The following SLC35D2 variants were observed in gnomAD, a reference collection of about 807,000 sequenced individuals.
SLC35D2 encodes the protein solute carrier family 35 member D2, also known as nucleotide sugar transporter SLC35D2.
Under a neutral mutation model 41.8 loss-of-function variants are expected in SLC35D2, and 43 were observed. The observed-to-expected ratio is 1.03, with a 90% CI of 0.81 to 1.33. SLC35D2 has a LOEUF of 1.33. Ranked by LOEUF, SLC35D2 falls within the 40% of genes most tolerant of loss-of-function variation. SLC35D2 has a pLI of 0.00. For synonymous variants in SLC35D2, 150 were observed against 163.9 expected (o/e 0.92, Z 0.65); for missense variants, 380 against 408.4 (o/e 0.93, Z 0.60).
chr9:96,362,788 G>A (rs1194541545), intron 3 of SLC35D2, among the ~76,000 whole-genome samples: 2 of 151,670 alleles, frequency 1.3e-5, no homozygotes, highest in African/African-American at 2.4e-5. Flanking sequence ...GTAATATTCT[G>A]GTTTTTCTCA....
At chr9:96,317,534 A>C (rs534769697), downstream of SLC35D2, among the ~76,000 whole-genome samples, 12 of 152,296 alleles carry the variant, frequency 7.9e-5, no homozygotes, top group South Asian at 2.3e-3. Flanking sequence ...GGCTGCTCTT[A>C]GGGTGCCCTC....
intron 4 of SLC35D2, among the ~76,000 whole-genome samples, chr9:96,356,382 CTTTT>C (rs199569097): frequency 2.1e-4 from 21 of 101,434 alleles, no homozygotes; most frequent in East Asian, 6.0e-4. Context: ...TTTATTTATT[CTTTT>C]TTTTTTTTTT....
intron 1 of SLC35D2, among the ~76,000 whole-genome samples, chr9:96,375,858 A>G: frequency 6.6e-6 from 1 of 152,008 alleles, no homozygotes; most frequent in Non-Finnish European, 1.5e-5. Context: ...TCTCTACTAA[A>G]AATAAAAAAA....
intron 2 of SLC35D2, among the ~76,000 whole-genome samples, chr9:96,364,769 C>T (rs147730922): frequency 3.9e-5 from 6 of 152,078 alleles, no homozygotes; most frequent in Non-Finnish European, 7.4e-5. Flanking sequence ...AACGTAACGT[C>T]GGGCAGGGCA....
chr9:96,380,132 G>T (rs758963772), intron 1 of SLC35D2, among the ~76,000 whole-genome samples: 8 of 151,988 alleles, frequency 5.3e-5, no homozygotes, highest in Non-Finnish European at 1.0e-4. Context: ...CCTGACCTCA[G>T]GTGATCCGCC....
At chr9:96,349,665 ATAGG>A in intron 6 of SLC35D2, among the ~76,000 whole-genome samples, 1 of 152,036 alleles carries the variant, frequency 6.6e-6, no homozygotes, top group East Asian at 1.9e-4. Flanking sequence ...AGCTGGGATT[ATAGG>A]CACCTGCCAC....
At chr9:96,336,586 G>T in intron 9 of SLC35D2, 131 bp downstream of exon 9, 2 of 639,638 alleles carry the variant, frequency 3.1e-6, no homozygotes, top group South Asian at 2.2e-5. Context: ...CTCCTTTGCT[G>T]CAGGGGTACT....
chr9:96,368,546 T>C (rs1564123050), intron 1 of SLC35D2, among the ~76,000 whole-genome samples: 1 of 151,776 alleles, frequency 6.6e-6, no homozygotes, highest in East Asian at 1.9e-4. Context: ...GCTCAGAAGA[T>C]GCTCCCACCT....
intron 4 of SLC35D2, among the ~76,000 whole-genome samples, chr9:96,355,481 T>C (rs1355723143): frequency 1.3e-5 from 2 of 150,874 alleles, no homozygotes; most frequent in Non-Finnish European, 2.9e-5. Flanking sequence ...GAGTGAGATA[T>C]TGTCTCTAAG....
chr9:96,324,306 C>A, intron 9 of SLC35D2, 137 bp from the exon 10 acceptor site: 1 of 606,072 alleles, frequency 1.6e-6, no homozygotes, highest in Non-Finnish European at 2.9e-6. Flanking sequence ...GGTTTTGTAA[C>A]CCACATCTTA....
chr9:96,334,368 C>T (rs1271198921), intron 9 of SLC35D2, among the ~76,000 whole-genome samples: 1 of 152,054 alleles, frequency 6.6e-6, no homozygotes, highest in African/African-American at 2.4e-5. Flanking sequence ...CCGGGTGTGG[C>T]GGCTCATGCC....
intron 9 of SLC35D2, among the ~76,000 whole-genome samples, chr9:96,327,242 T>C (rs1828577951): frequency 6.6e-6 from 1 of 152,184 alleles, no homozygotes; most frequent in African/African-American, 2.4e-5. Context: ...TTTCTTTTCT[T>C]AAAAAAGGGT....
At chr9:96,382,482 C>T (rs1831235034) in intron 1 of SLC35D2, among the ~76,000 whole-genome samples, 1 of 144,522 alleles carries the variant, frequency 6.9e-6, no homozygotes, top group Non-Finnish European at 1.5e-5. Context: ...CACACACACA[C>T]ACACACACAC....
Position 96,321,262 on chromosome 9 carries a change from A to G in SLC35D2, c.994T>C (p.Cys332Arg). The G allele has an allele frequency of 6.2e-7, 1 of 1,613,708 alleles. No individual in the cohort carries two copies. The highest frequency in any genetic ancestry group is 8.5e-7 in the Non-Finnish European group (1 of 1,179,660). Reference protein sequence around the residue: ...KPKPVGEENICLDLKS With the variant: ...KPKPVGEENIRLDLKS Reference sequence around the variant, plus strand: ...ACTCTTTAGCTCTTCAAATCCAAACAGATGTTTTCTTCACCCACAGGTTTA... The same window carrying G: ...ACTCTTTAGCTCTTCAAATCCAAACGGATGTTTTCTTCACCCACAGGTTTA... The change falls in exon 12 of 12, where the codon TGT (cysteine) becomes CGT (arginine). Residue 332 changes from cysteine (C) to arginine (R), a missense_variant. Transcript: ENST00000253270.
At chr9:96,337,512 C>G (rs1000749953) in intron 8 of SLC35D2, among the ~76,000 whole-genome samples, 21 of 149,964 alleles carry the variant, frequency 1.4e-4, no homozygotes, top group African/African-American at 5.2e-4. Context: ...ACCACCACAC[C>G]CAGCCAAAAA....
intron 9 of SLC35D2, among the ~76,000 whole-genome samples, chr9:96,329,036 T>G (rs1430984369): frequency 1.4e-5 from 2 of 146,996 alleles, no homozygotes; most frequent in African/African-American, 5.0e-5. Context: ...TGCAGTGAGA[T>G]GAAATCGCGT....
At chr9:96,347,629 TG>T (rs1829637745) in intron 6 of SLC35D2, among the ~76,000 whole-genome samples, 1 of 152,140 alleles carries the variant, frequency 6.6e-6, no homozygotes, top group African/African-American at 2.4e-5. Context: ...TCCCGTCACC[TG>T]GGCCTCCCAA....
intron 1 of SLC35D2, among the ~76,000 whole-genome samples, chr9:96,379,833 G>A (rs945048276): frequency 6.6e-6 from 1 of 151,982 alleles, no homozygotes; most frequent in Non-Finnish European, 1.5e-5. Flanking sequence ...GCCTTCCTAT[G>A]GCAAGAACTC....
chr9:96,382,742 T>C (rs1454454640), intron 1 of SLC35D2, among the ~76,000 whole-genome samples: 1 of 152,136 alleles, frequency 6.6e-6, no homozygotes, highest in African/African-American at 2.4e-5. Context: ...TAGTAGAGTT[T>C]ACAAAGAGCC....
Sources: allele counts gnomAD v4.1 joint callset (sites outside exome capture counted in the v4.1 genomes callset), GRCh38; gene constraint gnomAD v4.1.1; transcripts MANE v1.5; gene names NCBI Gene and HGNC (gene_info 2026-07-23, HGNC 2026-07-21).